SORT1: variants seen among roughly 807,000 people sequenced by gnomAD.
SORT1 encodes sortilin 1.
SORT1 carries 39 observed loss-of-function variants against 101.7 expected under a neutral mutation model. The observed-to-expected ratio is 0.38, with a 90% confidence interval of 0.30 to 0.50. The LOEUF is 0.50. Among genes scored for constraint, SORT1 ranks in the 20% least tolerant of loss-of-function variants. The pLI is 0.90. For synonymous variants in SORT1, 396 were observed against 393.7 expected (o/e 1.01, Z -0.07); for missense variants, 878 against 1,040.4 (o/e 0.84, Z 2.15).
At chr1:109,397,198 A>AG (rs1405441257) in intron 1 of SORT1, 1 of 152,060 alleles carries the variant, frequency 6.6e-6, no homozygotes, top group Non-Finnish European at 1.5e-5. Context: ...TGACCCAGAG[A>AG]GGACACACCT....
chr1:109,384,947 G>A (rs61568016), intron 1 of SORT1, among the ~76,000 whole-genome samples: 3,456 of 152,080 alleles, frequency 0.023, 138 homozygotes, highest in African/African-American at 0.079. Context: ...GTGTGGTGGC[G>A]TACACCTGTA....
At chr1:109,322,889 C>T (rs1300615704) in intron 15 of SORT1, 43 bp downstream of exon 15, 2 of 1,527,396 alleles carry the variant, frequency 1.3e-6, no homozygotes, top group Non-Finnish European at 9.0e-7. Flanking sequence ...TCACCTCCTC[C>T]AACAGGGAAA....
At chr1:109,372,309 T>TCC (rs1476790248) in intron 1 of SORT1, among the ~76,000 whole-genome samples, 1 of 152,202 alleles carries the variant, frequency 6.6e-6, no homozygotes, top group Admixed American at 6.5e-5. Context: ...TTGCCTGTCC[T>TCC]CCCCACTAGA....
In SORT1 at chr1:109,336,224, A is replaced by G. The variant is rs762685151; in HGVS notation, c.1371+16T>C. On this transcript the variant is annotated intron_variant, in intron 11 of 19. Transcript: ENST00000256637. ...GGAAAGGCTGCTGTGCTCTGCACAC[A>G]TTAGAGTAAACAAACCTCATTCTTG... 5.3e-6 allele frequency: 8 copies of G among 1,519,678 alleles called. No individual in the cohort carries two copies. The highest frequency in any genetic ancestry group is 2.2e-5 in the East Asian group (1 of 44,456). The allele number at this position is 1,519,678 out of a possible 1,614,324, so 94.1% of individuals were successfully genotyped here.
At chr1:109,341,640 C>A (rs757401628) in intron 9 of SORT1, among the ~76,000 whole-genome samples, 4 of 152,132 alleles carry the variant, frequency 2.6e-5, no homozygotes, top group Non-Finnish European at 5.9e-5. Flanking sequence ...TGAGCCACTG[C>A]GCCCAGCCAT....
At chr1:109,351,966 GTGTGT>G (rs1282991099) in intron 5 of SORT1, among the ~76,000 whole-genome samples, 5 of 4,050 alleles carry the variant, frequency 1.2e-3, no homozygotes, top group African/African-American at 2.9e-3. Flanking sequence ...AGAGGTAGGG[GTGTGT>G]GTGTGTGTGT....
intron 1 of SORT1, among the ~76,000 whole-genome samples, chr1:109,372,718 T>A (rs1033077450): frequency 6.6e-6 from 1 of 151,796 alleles, no homozygotes; most frequent in Non-Finnish European, 1.5e-5. Context: ...GGAGTTCGAC[T>A]GAAACCCCGT....
At position 109,379,754 on chromosome 1, in the gene SORT1, C is replaced by T. The variant is rs549418263; in HGVS notation, c.307-10165G>A. On this transcript the variant is annotated intron_variant, in intron 1 of 19. Transcript: ENST00000256637. ...ATTAATCCCATGACAGAGTTACTGG[C>T]GCAGGAATAGACTAATCAATAGAGC... Among the ~76,000 whole-genome samples, 9 of 152,128 alleles carry T rather than the reference C, an allele frequency of 5.9e-5. No homozygotes were observed. The South Asian group carries it at 1.7e-3, about 28-fold the overall frequency.
chr1:109,314,321 C>A lies in SORT1; in HGVS notation c.2421G>T (p.Val807=), dbSNP rs1439016096. The A allele has an allele frequency of 3.7e-6, 6 of 1,613,656 alleles. No homozygotes were observed. Among genetic ancestry groups the A allele is most frequent in the East Asian group, 4.5e-5 (2 of 44,878 alleles). ...TGTGGGAGGCTGTGTCCAAAGCATC[C>A]ACACCATCCACACCATTGGCCTCTG... ...QHAEANGVDG[V]DALDTASHTN... is the part of the protein sequence containing the mutation. Residue 807 remains valine, a synonymous_variant, in exon 19 of 20, where the codon GTG becomes GTT. Transcript: ENST00000256637.
chr1:109,314,784 G>C lies in SORT1; in HGVS notation c.2251-6C>G. Reference sequence around the variant, plus strand: ...ACAGAATTTGACTTGGAATTCTTGAGAAATTAAAACACAAACACAAAAGTT... The same window carrying C: ...ACAGAATTTGACTTGGAATTCTTGACAAATTAAAACACAAACACAAAAGTT... On this transcript the variant is annotated splice_polypyrimidine_tract_variant and splice_region_variant and intron_variant, in intron 17 of 19. Transcript: ENST00000256637. 6.4e-7 allele frequency: 1 copy of C among 1,560,650 alleles called. No homozygotes were observed.
In SORT1 at chr1:109,347,517, G is replaced by A; in HGVS notation, c.798C>T (p.Thr266=). The A allele has an allele frequency of 1.2e-6, 2 of 1,610,648 alleles. No individual in the cohort carries two copies. Among genetic ancestry groups the A allele is most frequent in the Non-Finnish European group, 1.7e-6 (2 of 1,176,926 alleles). Residue 266 remains threonine (T), a synonymous_variant, in exon 7 of 20, where the codon ACC becomes ACT. Transcript: ENST00000256637. ...CATTTGCATAGGTTGTAAAGAAGATGGTGTTGTCTGATCCCCTACAATGAG... is the reference window on the plus strand; with the variant it reads ...CATTTGCATAGGTTGTAAAGAAGATAGTGTTGTCTGATCCCCTACAATGAG... The part of the protein sequence containing the change: ...VCLAKWGSDN[T]IFFTTYANGS...
chr1:109,342,098 G>A lies in SORT1; in HGVS notation c.1024C>T (p.Leu342Phe). Residue 342 changes from leucine (L) to phenylalanine (F), a missense_variant, in exon 9 of 20, where the codon CTC becomes TTC. Coordinates refer to ENST00000256637, the MANE Select transcript of SORT1 (RefSeq NM_002959.7). Reference protein sequence around the residue: ...DQGDTWSMAQLPSVGQEQFYS... With the variant: ...DQGDTWSMAQFPSVGQEQFYS... ...AACTGTTCCTGTCCCACGGAGGGGA[G>A]CTGGGCCATGCTCCATGTGTCCCCT... 1 of 1,612,404 alleles carries A rather than the reference G, an allele frequency of 6.2e-7. No homozygotes were observed. Among genetic ancestry groups the A allele is most frequent in the South Asian group, 1.1e-5 (1 of 91,044 alleles).
intron 11 of SORT1, among the ~76,000 whole-genome samples, chr1:109,333,689 C>T (rs1648608413): frequency 6.6e-6 from 1 of 152,040 alleles, no homozygotes; most frequent in Non-Finnish European, 1.5e-5. Flanking sequence ...CAAATAAAAA[C>T]CACAATGAGA....
intron 14 of SORT1, among the ~76,000 whole-genome samples, chr1:109,324,058 C>T (rs1461236110): frequency 6.6e-6 from 1 of 152,170 alleles, no homozygotes; most frequent in Non-Finnish European, 1.5e-5. Context: ...TGTCTAGAAA[C>T]GTTAAGTCTT....
chr1:109,327,364 A>C (rs1648146841), intron 12 of SORT1, 135 bp downstream of exon 12: 1 of 706,282 alleles, frequency 1.4e-6, no homozygotes, highest in South Asian at 2.1e-5. Context: ...GTGTTGTTAT[A>C]ATGTAAGAAA....
In SORT1 at chr1:109,321,750, G is replaced by C. The variant is rs147659408; in HGVS notation, c.2024+1182C>G. Among the ~76,000 whole-genome samples, 150 of 152,250 alleles carry C rather than the reference G, an allele frequency of 9.9e-4. No homozygotes were observed. The Middle Eastern group carries it at 0.024, about 24-fold the overall frequency. On this transcript the variant is annotated intron_variant, in intron 15 of 19. Coordinates refer to ENST00000256637, the MANE Select transcript of SORT1 (RefSeq NM_002959.7). The stretch of plus-strand genomic sequence containing the variant: ...ATCCTTTAGGATCTACTTTTATCTT[G>C]TGTCAGTATCTTTTGCAGGTAACAA...
chr1:109,364,341 A>G (rs1215017366), intron 3 of SORT1, among the ~76,000 whole-genome samples: 2 of 152,190 alleles, frequency 1.3e-5, no homozygotes, highest in Non-Finnish European at 2.9e-5. Flanking sequence ...AGATAACTCA[A>G]CCTAGAGAAA....
chr1:109,340,664 C>G (rs1649150361), intron 10 of SORT1, 60 bp downstream of exon 10: 12 of 1,570,080 alleles, frequency 7.6e-6, no homozygotes, highest in Non-Finnish European at 1.1e-5. Flanking sequence ...TTCCCCGAAG[C>G]CTCAAATCCT....
At chr1:109,335,014 CT>C (rs1328580691) in intron 11 of SORT1, among the ~76,000 whole-genome samples, 1 of 152,094 alleles carries the variant, frequency 6.6e-6, no homozygotes, top group Non-Finnish European at 1.5e-5. Context: ...TTAGCTCTAA[CT>C]GGATGGTCAC....
Sources: allele counts gnomAD v4.1 joint callset (sites outside exome capture counted in the v4.1 genomes callset), GRCh38; gene constraint gnomAD v4.1.1; transcripts MANE v1.5; gene names NCBI Gene and HGNC (gene_info 2026-07-23, HGNC 2026-07-21).